PHF20: variants seen among roughly 807,000 people sequenced by gnomAD.
PHF20 encodes PHD finger protein 20.
A neutral mutation model predicts 113.5 loss-of-function variants in PHF20; 23 were observed. That is an observed-to-expected ratio of 0.20 (90% CI 0.15 to 0.29). PHF20 has a LOEUF of 0.29. Among genes scored for constraint, PHF20 ranks in the 10% least tolerant of loss-of-function variants. The pLI, the probability that PHF20 is intolerant of heterozygous loss-of-function variation, is 1.00. For synonymous variants in PHF20, 434 were observed against 457.3 expected, an observed-to-expected ratio of 0.95 and a Z score of 0.65; for missense variants, 943 against 1,219.6, an observed-to-expected ratio of 0.77 and a Z score of 3.38.
At chr20:35,943,607 T>C (rs2070249177) in intron 17 of PHF20, among the ~76,000 whole-genome samples, 1 of 151,782 alleles carries the variant, frequency 6.6e-6, no homozygotes, top group African/African-American at 2.4e-5. Context: ...ATATGAATAG[T>C]ACTTTATTTA....
chr20:35,938,679 TC>T lies in PHF20; in HGVS notation c.2301-17del. The stretch of plus-strand genomic sequence containing the variant: ...GCCAGTTACTCCAAAGCCCATGTCC[TC>T]TTTGTCCTCTCAACAGAAGCCGGGA... On this transcript the variant is annotated splice_polypyrimidine_tract_variant and intron_variant, in intron 15 of 17. Coordinates refer to ENST00000374012, the MANE Select transcript of PHF20 (RefSeq NM_016436.5). The T allele has an allele frequency of 6.3e-7, 1 of 1,585,578 alleles. No individual in the cohort carries two copies. The highest frequency in any genetic ancestry group is 8.6e-7 in the Non-Finnish European group (1 of 1,167,592).
chr20:35,850,866 A>T lies in PHF20; in HGVS notation c.340+3432A>T, dbSNP rs549294072. On this transcript the variant is annotated intron_variant, in intron 4 of 17. Transcript: ENST00000374012. The stretch of plus-strand genomic sequence containing the variant: ...GCTCTGCCTTGCCATTGTTTGCTGA[A>T]TGCTTCGAACTTGGAGATGACTGAG... The T allele has an allele frequency of 2.6e-6, 3 of 1,149,046 alleles. No homozygotes were observed. The East Asian group carries it at 8.2e-5, about 31-fold the overall frequency. 71.2% of individuals were successfully genotyped at this position (1,149,046 alleles called of 1,614,324 possible).
At position 35,947,976 on chromosome 20, in the gene PHF20, T is replaced by TG; in HGVS notation, c.*349_*350insG. On this transcript the variant is annotated 3_prime_UTR_variant, in exon 18 of 18. Transcript: ENST00000374012. ...AAGTTTAGTTGGAGACAGTTGTAAATTCAATTTGGAGTTTATTTAATTGAC... is the reference window on the plus strand; with the variant it reads ...AAGTTTAGTTGGAGACAGTTGTAAATGTCAATTTGGAGTTTATTTAATTGAC... The TG allele has an allele frequency of 5.0e-6, 1 of 200,476 alleles. No individual in the cohort carries two copies. Among genetic ancestry groups the TG allele is most frequent in the Non-Finnish European group, 1.0e-5 (1 of 97,600 alleles). The allele number at this position is 200,476 out of a possible 1,614,324, so 12.4% of individuals were successfully genotyped here. A position where few individuals can be genotyped will look rare whatever the true frequency, so the allele number is the denominator to read the frequency against.
chr20:35,921,769 G>C lies in PHF20; in HGVS notation c.2004+4107G>C, dbSNP rs1236355742. On this transcript the variant is annotated intron_variant, in intron 13 of 17. Coordinates refer to ENST00000374012, the MANE Select transcript of PHF20 (RefSeq NM_016436.5). The stretch of plus-strand genomic sequence containing the variant: ...TTTTTAGTAGATTTTTTTTAAGTTT[G>C]TTTTTAAAAGGATGTTGAAGATCTT... Among the ~76,000 whole-genome samples the C allele has an allele frequency of 3.0e-5, 4 of 134,082 alleles. No individual in the cohort carries two copies. In the East Asian group the frequency reaches 9.0e-4, roughly 30 times the overall value. The allele number at this position is 134,082 out of a possible 152,430, so 88.0% of individuals were successfully genotyped here. A position where few individuals can be genotyped will look rare whatever the true frequency, so the allele number is the denominator to read the frequency against.
At chr20:35,793,496 C>T (rs975151208) in intron 1 of PHF20, among the ~76,000 whole-genome samples, 19 of 150,988 alleles carry the variant, frequency 1.3e-4, no homozygotes, top group African/African-American at 4.4e-4. Flanking sequence ...GACGGGGTTT[C>T]ACCATATTGG....
At chr20:35,860,609 G>A (rs1201213414) in intron 5 of PHF20, among the ~76,000 whole-genome samples, 1 of 152,062 alleles carries the variant, frequency 6.6e-6, no homozygotes, top group Non-Finnish European at 1.5e-5. Flanking sequence ...CCTTTTGCTG[G>A]TTTTCCTTTT....
At chr20:35,853,948 TTC>T (rs2042783832) in intron 4 of PHF20, among the ~76,000 whole-genome samples, 1 of 152,032 alleles carries the variant, frequency 6.6e-6, no homozygotes, top group Non-Finnish European at 1.5e-5. Flanking sequence ...GAGATGGGGT[TTC>T]ACCACATTGG....
At chr20:35,904,918 C>T (rs558027883) in intron 10 of PHF20, among the ~76,000 whole-genome samples, 82 of 151,854 alleles carry the variant, frequency 5.4e-4, no homozygotes, top group Non-Finnish European at 9.7e-4. Flanking sequence ...CTCCGCCTCC[C>T]GGATTCAAAT....
chr20:35,805,354 T>TTTATTATTATTATTATTA (rs3056929), intron 2 of PHF20, among the ~76,000 whole-genome samples: 3 of 125,196 alleles, frequency 2.4e-5, no homozygotes, highest in South Asian at 2.5e-4. Flanking sequence ...CGCCTGATTT[T>TTTATTATTATTATTATTA]TTATTATTAT....
chr20:35,790,209 T>A (rs888775434), intron 1 of PHF20, among the ~76,000 whole-genome samples: 1 of 145,186 alleles, frequency 6.9e-6, no homozygotes, highest in Non-Finnish European at 1.5e-5. Flanking sequence ...GCTAAATAAC[T>A]TTTTTTTTTT....
In PHF20 at chr20:35,781,433, C is replaced by T. The variant is rs938353924; in HGVS notation, c.-33+9354C>T. 2.0e-5 allele frequency among the ~76,000 whole-genome samples: 3 copies of T among 152,286 alleles called. No individual in the cohort carries two copies. The East Asian group carries it at 5.8e-4, about 29-fold the overall frequency. ...ACTGTGCCTGGCCTTCATTCTTGAC[C>T]ATGCAAAACATCCTTTAATTGTAGA... On this transcript the variant is annotated intron_variant, in intron 1 of 17. Transcript: ENST00000374012.
intron 2 of PHF20, among the ~76,000 whole-genome samples, chr20:35,835,264 G>A (rs12480111): frequency 0.1 from 15,231 of 151,888 alleles, 790 homozygotes; most frequent in South Asian, 0.15. Flanking sequence ...GACAGAGCGA[G>A]ATGCCATCTC....
chr20:35,777,315 T>A lies in PHF20; in HGVS notation c.-33+5236T>A, dbSNP rs556309729. 5.3e-5 allele frequency among the ~76,000 whole-genome samples: 8 copies of A among 152,284 alleles called. No homozygotes were observed. In the South Asian group the frequency reaches 1.7e-3, roughly 32 times the overall value. On this transcript the variant is annotated intron_variant, in intron 1 of 17. Transcript: ENST00000374012. ...GTTTGAATTAGCAGGGCAGGTGGCA[T>A]GAAATTTAAAGAGGAAGCAAGCAGG...
At chr20:35,784,348 G>C (rs1033480484) in intron 1 of PHF20, among the ~76,000 whole-genome samples, 1 of 149,332 alleles carries the variant, frequency 6.7e-6, no homozygotes, top group Non-Finnish European at 1.5e-5. Flanking sequence ...CACTGCACCC[G>C]GCCACATTTT....
intron 16 of PHF20, among the ~76,000 whole-genome samples, chr20:35,939,628 G>T (rs1011491649): frequency 2.6e-5 from 4 of 152,118 alleles, no homozygotes; most frequent in African/African-American, 4.8e-5. Flanking sequence ...GCCACTTTTG[G>T]TTTTTTGTTA....
At chr20:35,927,712 G>A (rs1403701906) in intron 13 of PHF20, 68 bp from the exon 14 acceptor site, 6 of 1,192,704 alleles carry the variant, frequency 5.0e-6, no homozygotes, top group South Asian at 1.2e-5. Flanking sequence ...CCCTCAGCAG[G>A]TGGGTCTTAC....
At chr20:35,873,167 C>T (rs1210656814) in intron 9 of PHF20, among the ~76,000 whole-genome samples, 4 of 146,772 alleles carry the variant, frequency 2.7e-5, no homozygotes, top group African/African-American at 7.6e-5. Context: ...AGTGGTTGAT[C>T]TCCACTCACT....
chr20:35,867,374 C>T (rs1034740497), intron 6 of PHF20, among the ~76,000 whole-genome samples: 53 of 152,306 alleles, frequency 3.5e-4, no homozygotes, highest in Middle Eastern at 3.4e-3. Context: ...ATTCTTGTGC[C>T]TCAGCCTCCC....
intron 2 of PHF20, among the ~76,000 whole-genome samples, chr20:35,804,332 C>G (rs2146870531): frequency 6.8e-6 from 1 of 146,912 alleles, no homozygotes; most frequent in South Asian, 2.2e-4. Context: ...CTCCTGGGTT[C>G]ACGCCATTCT....
Sources: allele counts gnomAD v4.1 joint callset (sites outside exome capture counted in the v4.1 genomes callset), GRCh38; gene constraint gnomAD v4.1.1; transcripts MANE v1.5; gene names NCBI Gene and HGNC (gene_info 2026-07-23, HGNC 2026-07-21).